The following ST3GAL1 variants were observed in gnomAD, a reference collection of about 807,000 sequenced individuals.
ST3GAL1 encodes the protein CMP-N-acetylneuraminate-beta-galactosamide-alpha-2,3-sialyltransferase 1.
In ST3GAL1, 16 loss-of-function variants were observed where a neutral mutation model predicts 34.1. The ratio of observed to expected loss-of-function variants is 0.47; its 90% CI spans 0.32 to 0.71. ST3GAL1 has a LOEUF of 0.71. Ranked by LOEUF, ST3GAL1 falls within the 30% of genes least tolerant of loss-of-function variation. The pLI is 0.04. For synonymous variants in ST3GAL1, 191 were observed against 184.7 expected (o/e 1.03, Z -0.28); for missense variants, 353 against 447.4 (o/e 0.79, Z 1.90).
In ST3GAL1 at chr8:133,465,097, T is replaced by C. The variant is rs1194968549; in HGVS notation, c.504-140A>G. The C allele has an allele frequency of 3.9e-6, 3 of 770,170 alleles. No individual in the cohort carries two copies. In the East Asian group the frequency reaches 8.4e-5, roughly 21 times the overall value. The allele number at this position is 770,170 out of a possible 1,614,324, so 47.7% of individuals were successfully genotyped here. ...CCCCGGGCCTCCTTCTCCTCATCTG[T>C]AAAATAGAGACAATGAAGACATAGC... is the stretch of plus-strand genomic sequence containing the variant. On this transcript the variant is annotated intron_variant, in intron 6 of 9. Transcript: ENST00000522652.
chr8:133,475,809 G>A lies in ST3GAL1; in HGVS notation c.216C>T (p.Ala72=). 1 of 1,614,122 alleles carries A rather than the reference G, an allele frequency of 6.2e-7. No individual in the cohort carries two copies. The highest frequency in any genetic ancestry group is 1.1e-5 in the South Asian group (1 of 91,086). Residue 72 remains alanine (A), a synonymous_variant, in exon 5 of 10, where the codon GCC becomes GCT. Transcript: ENST00000522652. ...THCIGQRKLS[A]WFDERFNQTM... is the part of the protein sequence containing the mutation. ...TCTGGTTGAACCTCTCATCGAACCAGGCCGAGAGCTTGCGCTGCCCGATGC... is the reference window on the plus strand; with the variant it reads ...TCTGGTTGAACCTCTCATCGAACCAAGCCGAGAGCTTGCGCTGCCCGATGC...
chr8:133,487,380 A>G (rs1816648126), intron 3 of ST3GAL1, among the ~76,000 whole-genome samples: 1 of 152,024 alleles, frequency 6.6e-6, no homozygotes, highest in Admixed American at 6.5e-5. Context: ...GGAAAATGTC[A>G]CCTACCCAGG....
At chr8:133,515,231 C>A (rs1817609381) in intron 2 of ST3GAL1, among the ~76,000 whole-genome samples, 1 of 152,220 alleles carries the variant, frequency 6.6e-6, no homozygotes, top group African/African-American at 2.4e-5. Flanking sequence ...TGGGCCCACA[C>A]CCTGCTCCTG....
rs181116031 is a variant in ST3GAL1 at position 133,542,733 on chromosome 8, A to T, written c.-429+3041T>A. Among the ~76,000 whole-genome samples, 3 of 148,330 alleles carry T rather than the reference A, an allele frequency of 2.0e-5. No homozygotes were observed. In the South Asian group the frequency reaches 6.4e-4, roughly 32 times the overall value. ...GAGGTTGCAGTGGGCAAAGATCAAG[A>T]TTGCACCACTGCATTCCAGCCTGGG... On this transcript the variant is annotated intron_variant, in intron 2 of 9. Coordinates refer to ENST00000522652, the MANE Select transcript of ST3GAL1 (RefSeq NM_173344.3).
At chr8:133,568,588 G>A (rs1015415944) in intron 1 of ST3GAL1, among the ~76,000 whole-genome samples, 3 of 152,120 alleles carry the variant, frequency 2.0e-5, no homozygotes, top group Non-Finnish European at 4.4e-5. Flanking sequence ...TTTCCTGGTC[G>A]CTTTTGGTGG....
At chr8:133,487,145 T>C (rs978696422) in intron 3 of ST3GAL1, among the ~76,000 whole-genome samples, 3 of 152,174 alleles carry the variant, frequency 2.0e-5, no homozygotes, top group Non-Finnish European at 4.4e-5. Flanking sequence ...TTTACTATGT[T>C]GGCCAGGCTG....
rs1315819275 is a variant in ST3GAL1, at chr8:133,456,560, C to T, written c.*3204G>A. ...ATGCATGTGCCTTTTGGCTAACACACACTCTTGTCTAATTCCCAGCCACCT... is the reference window on the plus strand; with the variant it reads ...ATGCATGTGCCTTTTGGCTAACACATACTCTTGTCTAATTCCCAGCCACCT... On this transcript the variant is annotated 3_prime_UTR_variant, in exon 10 of 10. Coordinates refer to ENST00000522652, the MANE Select transcript of ST3GAL1 (RefSeq NM_173344.3). 6.6e-6 allele frequency: 1 copy of T among 152,346 alleles called. No homozygotes were observed. The highest frequency in any genetic ancestry group is 2.4e-5 in the African/African-American group (1 of 41,476). The allele number at this position is 152,346 out of a possible 1,614,324, so 9.4% of individuals were successfully genotyped here. A position where few individuals can be genotyped will look rare whatever the true frequency, so the allele number is the denominator to read the frequency against.
At chr8:133,562,841 C>CCTTCCTTTCTTTTTCTTT (rs1491286901) in intron 1 of ST3GAL1, among the ~76,000 whole-genome samples, 4 of 82,502 alleles carry the variant, frequency 4.8e-5, no homozygotes, top group Admixed American at 1.5e-4. Context: ...TTCCTTCCTT[C>CCTTCCTTTCTTTTTCTTT]CTTTCTTTCT....
chr8:133,472,793 G>A lies in ST3GAL1; in HGVS notation c.306+2926C>T, dbSNP rs76408696. Among the ~76,000 whole-genome samples the A allele has an allele frequency of 3.8e-4, 58 of 152,012 alleles. 1 individual carries two copies. In the East Asian group the frequency reaches 8.3e-3, roughly 22 times the overall value. ...GACTGCAGAGAAGGGCTGCAGGTAG[G>A]GGAAGACATCTGGTAAATGGGAAAC... On this transcript the variant is annotated intron_variant, in intron 5 of 9. Coordinates refer to ENST00000522652, the MANE Select transcript of ST3GAL1 (RefSeq NM_173344.3).
chr8:133,474,663 A>G (rs970052592), intron 5 of ST3GAL1, among the ~76,000 whole-genome samples: 3 of 152,084 alleles, frequency 2.0e-5, no homozygotes, highest in African/African-American at 7.2e-5. Context: ...CATCCAGCAG[A>G]GGCCACCCTC....
chr8:133,526,161 G>T (rs1817968643), intron 2 of ST3GAL1, among the ~76,000 whole-genome samples: 2 of 152,186 alleles, frequency 1.3e-5, no homozygotes, highest in Non-Finnish European at 2.9e-5. Context: ...GGAAAGTTGG[G>T]TCAGGCTCCA....
chr8:133,482,907 A>T (rs1006666991), intron 3 of ST3GAL1, among the ~76,000 whole-genome samples: 3 of 151,968 alleles, frequency 2.0e-5, no homozygotes, highest in Non-Finnish European at 2.9e-5. Context: ...ACAGTTGTCA[A>T]CAACAACAAC....
At chr8:133,475,273 G>A (rs564063170) in intron 5 of ST3GAL1, among the ~76,000 whole-genome samples, 4 of 152,252 alleles carry the variant, frequency 2.6e-5, no homozygotes, top group Non-Finnish European at 5.9e-5. Flanking sequence ...CCAGGAGCGG[G>A]CCTGGGGCGG....
In ST3GAL1 at chr8:133,463,448, G is replaced by A. The variant is rs762669104; in HGVS notation, c.695C>T (p.Pro232Leu). Residue 232 changes from proline to leucine, a missense_variant, in exon 8 of 10, where the codon CCG becomes CTG. Pro to Leu is a moderately conservative substitution (Grantham distance 98). Transcript: ENST00000522652. ...TTGTISHTYI[P>L]VPAKIRVKQD... ...TTTCACTCTGATCTTTGCAGGAACC[G>A]GGATGTAGGTGCTGCAGTTGGAGAA... The A allele has an allele frequency of 1.5e-5, 24 of 1,613,844 alleles. No individual in the cohort carries two copies. The highest frequency in any genetic ancestry group is 1.2e-4 in the South Asian group (11 of 90,964).
chr8:133,549,616 G>T (rs1818782538), intron 1 of ST3GAL1, among the ~76,000 whole-genome samples: 1 of 151,888 alleles, frequency 6.6e-6, no homozygotes, highest in Admixed American at 6.6e-5. Context: ...GTTGGCAATG[G>T]CATTGGATTC....
At position 133,469,418 on chromosome 8, in the gene ST3GAL1, C is replaced by T. The variant is rs1815865450; in HGVS notation, c.307-3328G>A. ...ATTTTTAGTAGAAACACGGTTTCAC[C>T]ATGTTGGCCAGGCTGGTCTCGAACT... On this transcript the variant is annotated intron_variant, in intron 5 of 9. Transcript: ENST00000522652. The surrounding 1 kb of genome is among the most constrained non-coding windows in gnomAD (Gnocchi z 4.3). Among the ~76,000 whole-genome samples, 1 of 152,080 alleles carries T rather than the reference C, an allele frequency of 6.6e-6. No homozygotes were observed. Among genetic ancestry groups the T allele is most frequent in the African/African-American group, 2.4e-5 (1 of 41,412 alleles).
chr8:133,473,652 T>C (rs981235949), intron 5 of ST3GAL1, among the ~76,000 whole-genome samples: 1 of 152,184 alleles, frequency 6.6e-6, no homozygotes, highest in Non-Finnish European at 1.5e-5. Context: ...ACCCTGCTGG[T>C]TCTCAAGGGA....
intron 3 of ST3GAL1, among the ~76,000 whole-genome samples, chr8:133,484,728 C>CTCT (rs1477477479): frequency 6.6e-6 from 1 of 152,150 alleles, no homozygotes; most frequent in African/African-American, 2.4e-5. Context: ...TGAGTCAGAG[C>CTCT]TAGAGGCACC....
chr8:133,506,976 AAAG>A (rs1055732151), intron 2 of ST3GAL1, among the ~76,000 whole-genome samples: 18 of 151,360 alleles, frequency 1.2e-4, no homozygotes, highest in Non-Finnish European at 1.0e-4. Context: ...AAATAAAAAT[AAAG>A]AAACTTGGCA....
Sources: allele counts gnomAD v4.1 joint callset (sites outside exome capture counted in the v4.1 genomes callset), GRCh38; gene constraint gnomAD v4.1.1; non-coding constraint Gnocchi (gnomAD v3.1); transcripts MANE v1.5; gene names NCBI Gene and HGNC (gene_info 2026-07-23, HGNC 2026-07-21).